Variants in WTAP observed in about 807,000 individuals in gnomAD.
WTAP encodes pre-mRNA-splicing regulator WTAP.
WTAP carries 8 observed loss-of-function variants against 50.0 expected under a neutral mutation model. That is an observed-to-expected ratio of 0.16 (90% CI 0.09 to 0.29). WTAP has a LOEUF of 0.29. WTAP is among the 10% of genes least tolerant of loss of function. The probability of loss-of-function intolerance (pLI) is 1.00; values close to 1 mark genes in which losing one functional copy is unlikely to be tolerated. For synonymous variants in WTAP, 194 were observed against 169.0 expected, an observed-to-expected ratio of 1.15 and a Z score of -1.15; for missense variants, 295 against 470.7, an observed-to-expected ratio of 0.63 and a Z score of 3.45.
rs1779984995 is a variant in WTAP at position 159,755,760 on chromosome 6, C to CTTTTTTTTTTTTTTTTTTTTTTT, written c.*153_*154insTTTTTTTTTTTTTTTTTTTTTTT. The CTTTTTTTTTTTTTTTTTTTTTTT allele has an allele frequency of 2.5e-5, 7 of 283,696 alleles. No homozygotes were observed. The highest frequency in any genetic ancestry group is 1.5e-4 in the African/African-American group (3 of 19,972). The allele number at this position is 283,696 out of a possible 1,614,324, so 17.6% of individuals were successfully genotyped here. A position where few individuals can be genotyped will look rare whatever the true frequency, so the allele number is the denominator to read the frequency against. On this transcript the variant is annotated 3_prime_UTR_variant, in exon 8 of 8. Transcript: ENST00000621533. ...TGTTTTTTTTCTTTGTTTTTTTTTT[C>CTTTTTTTTTTTTTTTTTTTTTTT]TTTTCTTTTTTTTTTTTTTTTTTTT...
intron 6 of WTAP, among the ~76,000 whole-genome samples, chr6:159,750,939 C>G (rs78128487): frequency 7.2e-4 from 110 of 152,292 alleles, no homozygotes; most frequent in Admixed American, 5.6e-3. Context: ...TTTTTCTGTT[C>G]TAATTTTGAG....
intron 7 of WTAP, 102 bp downstream of exon 7, chr6:159,753,716 C>T (rs1414268742): frequency 2.2e-6 from 3 of 1,382,992 alleles, no homozygotes; most frequent in Non-Finnish European, 2.9e-6. Context: ...ACATTGTTAA[C>T]CTCTGCCCTA....
At chr6:159,727,990 C>G (rs900681197) in intron 1 of WTAP, among the ~76,000 whole-genome samples, 7 of 152,258 alleles carry the variant, frequency 4.6e-5, no homozygotes, top group South Asian at 2.1e-4. Flanking sequence ...GATGCCCTCC[C>G]CGGGCTGAGC....
chr6:159,727,467 C>A (rs1418248468), upstream of WTAP: 7 of 958,822 alleles, frequency 7.3e-6, no homozygotes, highest in African/African-American at 2.0e-5. Context: ...GGAGCGGAGC[C>A]GTGCGGCGGG....
rs781526385 is a variant in WTAP at position 159,753,565 on chromosome 6, G to A, written c.558G>A (p.Glu186=). The A allele has an allele frequency of 1.2e-6, 2 of 1,614,068 alleles. No individual in the cohort carries two copies. Among genetic ancestry groups the A allele is most frequent in the Admixed American group, 1.7e-5 (1 of 60,006 alleles). ...GACGTATTGCACAACTTGAAGCAGA[G>A]TTGGCTTTACAGAAGAAATACAGTG... ...SQGRIAQLEA[E]LALQKKYSEE... Residue 186 remains glutamate, a synonymous_variant, in exon 7 of 8, where the codon GAG becomes GAA. Coordinates refer to ENST00000621533, the MANE Select transcript of WTAP (RefSeq NM_001270531.2).
At chr6:159,740,344 T>C (rs1340802701) in intron 3 of WTAP, among the ~76,000 whole-genome samples, 1 of 152,240 alleles carries the variant, frequency 6.6e-6, no homozygotes, top group Admixed American at 6.5e-5. Context: ...TGTATTTCCT[T>C]GAGGTCAGTT....
In WTAP at chr6:159,755,695, A is replaced by G. The variant is rs1277250301; in HGVS notation, c.*84A>G. On this transcript the variant is annotated 3_prime_UTR_variant, in exon 8 of 8. Coordinates refer to ENST00000621533, the MANE Select transcript of WTAP (RefSeq NM_001270531.2). ...AAAATTAATGCATACTTTTGTCACA[A>G]TTTGCCTTTTTGTGGGTGTACGTTT... 2.5e-6 allele frequency: 3 copies of G among 1,213,050 alleles called. No individual in the cohort carries two copies. The highest frequency in any genetic ancestry group is 3.1e-6 in the Non-Finnish European group (3 of 981,116). The allele number at this position is 1,213,050 out of a possible 1,614,324, so 75.1% of individuals were successfully genotyped here. A position where few individuals can be genotyped will look rare whatever the true frequency, so the allele number is the denominator to read the frequency against.
intron 1 of WTAP, 145 bp from the exon 2 acceptor site, chr6:159,736,111 CTA>C (rs1488003646): frequency 2.4e-6 from 2 of 842,000 alleles, no homozygotes; most frequent in South Asian, 4.0e-5. Flanking sequence ...AAATCTAAAA[CTA>C]TTTTAAAATT....
intron 6 of WTAP, chr6:159,749,436 T>C: frequency 1.0e-6 from 1 of 985,284 alleles, no homozygotes; most frequent in Non-Finnish European, 1.2e-6. Flanking sequence ...GTTTTTTTTT[T>C]TTTTTAAGTT....
chr6:159,748,627 AC>A lies in WTAP; in HGVS notation c.452+260del. On this transcript the variant is annotated intron_variant, in intron 6 of 7. Coordinates refer to ENST00000621533, the MANE Select transcript of WTAP (RefSeq NM_001270531.2). The surrounding 1 kb of genome is among the most constrained non-coding windows in gnomAD (Gnocchi z 5.6). ...GTCGGACTATTCCGAAGAAGTGGCC[AC>A]CTCCGAAAAATTCCCCTTCTAGAAC... 1.6e-6 allele frequency: 2 copies of A among 1,286,484 alleles called. No homozygotes were observed. The highest frequency in any genetic ancestry group is 2.0e-6 in the Non-Finnish European group (2 of 1,019,062). 79.7% of individuals were successfully genotyped at this position (1,286,484 alleles called of 1,614,324 possible). A position where few individuals can be genotyped will look rare whatever the true frequency, so the allele number is the denominator to read the frequency against.
At chr6:159,753,645 T>C (rs188633620) in intron 7 of WTAP, 31 bp downstream of exon 7, 50 of 1,579,474 alleles carry the variant, frequency 3.2e-5, no homozygotes, top group Middle Eastern at 3.4e-4. Context: ...TGGAACGTTG[T>C]CTCAACTTTG....
chr6:159,750,175 C>A, intron 6 of WTAP, among the ~76,000 whole-genome samples: 1 of 152,152 alleles, frequency 6.6e-6, no homozygotes, highest in Non-Finnish European at 1.5e-5. Flanking sequence ...AGCTTATGTG[C>A]TTGCATTAAG....
At chr6:159,729,285 A>G (rs1161908653) in intron 1 of WTAP, among the ~76,000 whole-genome samples, 1 of 152,194 alleles carries the variant, frequency 6.6e-6, no homozygotes, top group Non-Finnish European at 1.5e-5. Flanking sequence ...AAGACTGAAG[A>G]TAGTATTTTG....
At chr6:159,733,478 T>C (rs1778714341) in intron 1 of WTAP, among the ~76,000 whole-genome samples, 1 of 151,780 alleles carries the variant, frequency 6.6e-6, no homozygotes, top group Non-Finnish European at 1.5e-5. Context: ...AAAAATTAAC[T>C]GGGTGTGGTG....
Position 159,755,038 on chromosome 6 carries a change from C to T in WTAP, c.618C>T (p.Asp206=). ...CTCTCCTTTGCACAGAACTGAATGA[C>T]TTCATCATCCAGCTTGATGAAGAAG... is the stretch of plus-strand genomic sequence containing the variant. ...ELKSSQDELN[D]FIIQLDEEVE... Residue 206 remains aspartate (D), a synonymous_variant, in exon 8 of 8, where the codon GAC becomes GAT. Transcript: ENST00000621533. The T allele has an allele frequency of 6.2e-7, 1 of 1,611,746 alleles. No individual in the cohort carries two copies. The highest frequency in any genetic ancestry group is 1.7e-5 in the Admixed American group (1 of 59,848).
intron 5 of WTAP, among the ~76,000 whole-genome samples, chr6:159,744,838 C>T (rs1045972879): frequency 2.0e-5 from 3 of 152,110 alleles, no homozygotes; most frequent in Non-Finnish European, 2.9e-5. Flanking sequence ...CGCCACCAAG[C>T]GCAGCTAATT....
At chr6:159,735,863 C>G (rs1778882044) in intron 1 of WTAP, among the ~76,000 whole-genome samples, 1 of 152,108 alleles carries the variant, frequency 6.6e-6, no homozygotes, top group Non-Finnish European at 1.5e-5. Flanking sequence ...AAAGGAAAGA[C>G]TTAAACTGGT....
upstream of WTAP, chr6:159,726,800 C>A: frequency 2.3e-6 from 3 of 1,289,216 alleles, no homozygotes; most frequent in Non-Finnish European, 2.0e-6. Flanking sequence ...GGAGACTGCG[C>A]CTCACGACTG....
At chr6:159,750,775 C>T (rs1198108763) in intron 6 of WTAP, among the ~76,000 whole-genome samples, 1 of 152,338 alleles carries the variant, frequency 6.6e-6, no homozygotes, top group East Asian at 1.9e-4. Context: ...ATAAAATTGG[C>T]TGTAAGCCAG....
Sources: allele counts gnomAD v4.1 joint callset (sites outside exome capture counted in the v4.1 genomes callset), GRCh38; gene constraint gnomAD v4.1.1; non-coding constraint Gnocchi (gnomAD v3.1); transcripts MANE v1.5; gene names NCBI Gene and HGNC (gene_info 2026-07-23, HGNC 2026-07-21).